FAM13A: variants seen among roughly 807,000 people sequenced by gnomAD.
The protein encoded by FAM13A is family with sequence similarity 13 member A, also known as protein FAM13A.
FAM13A carries 76 observed loss-of-function variants against 129.6 expected under a neutral mutation model. The observed-to-expected ratio is 0.59, with a 90% CI of 0.49 to 0.71. The LOEUF is 0.71. Ranked by LOEUF, FAM13A falls within the 30% of genes least tolerant of loss-of-function variation. The pLI is 0.00. For synonymous variants in FAM13A, 443 were observed against 449.9 expected (o/e 0.98, Z 0.20); for missense variants, 1,108 against 1,249.3 (o/e 0.89, Z 1.70).
intron 7 of FAM13A, among the ~76,000 whole-genome samples, chr4:88,832,637 C>T (rs1734080191): frequency 6.6e-6 from 1 of 152,112 alleles, no homozygotes; most frequent in African/African-American, 2.4e-5. Context: ...AAAAGCTCAA[C>T]AGCACTCATC....
intron 1 of FAM13A, among the ~76,000 whole-genome samples, chr4:89,049,440 C>T (rs1333165564): frequency 2.6e-5 from 4 of 152,062 alleles, no homozygotes; most frequent in Non-Finnish European, 4.4e-5. Context: ...GGAAAAAAAA[C>T]CTGTGACATC....
intron 6 of FAM13A, among the ~76,000 whole-genome samples, chr4:88,858,378 T>C (rs1191708772): frequency 1.3e-5 from 2 of 152,242 alleles, no homozygotes; most frequent in Non-Finnish European, 2.9e-5. Flanking sequence ...GGAATTAAGG[T>C]AGAAGACTTT....
chr4:88,946,973 G>A (rs1234908918), intron 4 of FAM13A, among the ~76,000 whole-genome samples: 1 of 152,132 alleles, frequency 6.6e-6, no homozygotes, highest in Non-Finnish European at 1.5e-5. Context: ...CAGCACAACT[G>A]AAAGCAGCAC....
chr4:89,034,875 G>A (rs1264269947), intron 1 of FAM13A, among the ~76,000 whole-genome samples: 1 of 152,152 alleles, frequency 6.6e-6, no homozygotes, highest in East Asian at 1.9e-4. Flanking sequence ...GAGTGAGACT[G>A]TCTGAAAAGA....
chr4:88,878,040 G>A (rs1416436154), intron 6 of FAM13A, among the ~76,000 whole-genome samples: 1 of 152,062 alleles, frequency 6.6e-6, no homozygotes, highest in Non-Finnish European at 1.5e-5. Context: ...TGTAATCCCA[G>A]CACATTGGAA....
In FAM13A at chr4:88,812,441, A is replaced by G. The variant is rs536417312; in HGVS notation, c.1008-7389T>C. Among the ~76,000 whole-genome samples the G allele has an allele frequency of 5.3e-5, 8 of 152,294 alleles. No individual in the cohort carries two copies. In the East Asian group the frequency reaches 1.4e-3, roughly 26 times the overall value. ...AAATCCAAATGCCTAAATCTGGCAC[A>G]TGAAGTCCCTCCCAATTGCAACCCA... On this transcript the variant is annotated intron_variant, in intron 7 of 23. Transcript: ENST00000264344.
At chr4:89,022,994 T>G (rs1252111308) in intron 2 of FAM13A, among the ~76,000 whole-genome samples, 4 of 152,176 alleles carry the variant, frequency 2.6e-5, no homozygotes, top group Admixed American at 2.6e-4. Context: ...GCCTTGTAAC[T>G]CTAAGACAGA....
chr4:88,740,516 G>T (rs1258527630), intron 19 of FAM13A, among the ~76,000 whole-genome samples: 1 of 152,150 alleles, frequency 6.6e-6, no homozygotes, highest in African/African-American at 2.4e-5. Flanking sequence ...ACTTAAATGG[G>T]GAATGAGATG....
chr4:88,887,578 T>G (rs1210963130), intron 6 of FAM13A, among the ~76,000 whole-genome samples: 3 of 150,068 alleles, frequency 2.0e-5, no homozygotes, highest in Admixed American at 6.7e-5. Context: ...TTGCCCAGGC[T>G]GGAGTGCAGT....
chr4:88,981,097 T>C (rs1032030157), intron 4 of FAM13A, among the ~76,000 whole-genome samples: 7 of 152,186 alleles, frequency 4.6e-5, no homozygotes, highest in Admixed American at 1.3e-4. Flanking sequence ...ATCTTATTGG[T>C]TAGTACTGAA....
intron 6 of FAM13A, among the ~76,000 whole-genome samples, chr4:88,894,215 C>T (rs899843092): frequency 6.6e-6 from 1 of 152,124 alleles, no homozygotes; most frequent in Non-Finnish European, 1.5e-5. Flanking sequence ...TTTCCATGTG[C>T]ATAGAATGAG....
intron 1 of FAM13A, among the ~76,000 whole-genome samples, chr4:89,048,509 C>T (rs999040618): frequency 6.6e-6 from 1 of 151,958 alleles, no homozygotes; most frequent in Admixed American, 6.6e-5. Context: ...TTTGGTGATG[C>T]TTGCACAATT....
chr4:88,806,710 G>A (rs1159423896), intron 7 of FAM13A, among the ~76,000 whole-genome samples: 1 of 152,100 alleles, frequency 6.6e-6, no homozygotes, highest in African/African-American at 2.4e-5. Context: ...GGGCTGTAAT[G>A]TGGATGGGCT....
At chr4:88,914,554 G>T (rs1749768917) in intron 5 of FAM13A, among the ~76,000 whole-genome samples, 1 of 152,146 alleles carries the variant, frequency 6.6e-6, no homozygotes. Flanking sequence ...CTCTAGCATA[G>T]CTGTGCATTC....
At chr4:89,017,801 A>T (rs1364172484) in intron 3 of FAM13A, among the ~76,000 whole-genome samples, 1 of 152,150 alleles carries the variant, frequency 6.6e-6, no homozygotes, top group African/African-American at 2.4e-5. Context: ...TTATGAAGGA[A>T]TGGTTATCTT....
chr4:89,005,905 C>G (rs183592590), intron 3 of FAM13A, among the ~76,000 whole-genome samples: 22 of 152,326 alleles, frequency 1.4e-4, no homozygotes, highest in African/African-American at 5.0e-4. Context: ...TGCAGAAGCT[C>G]TTAAGTTTAA....
At position 89,031,284 on chromosome 4, in the gene FAM13A, T is replaced by G. The variant is rs192677356; in HGVS notation, c.28-1635A>C. On this transcript the variant is annotated intron_variant, in intron 1 of 23. Coordinates refer to ENST00000264344, the MANE Select transcript of FAM13A (RefSeq NM_014883.4). Reference sequence around the variant, plus strand: ...AACAAAACTTAAAAAAAAATTTCAGTGTAGCATTAAAAACAGCTGACAGTG... The same window carrying G: ...AACAAAACTTAAAAAAAAATTTCAGGGTAGCATTAAAAACAGCTGACAGTG... Among the ~76,000 whole-genome samples, 136 of 152,272 alleles carry G rather than the reference T, an allele frequency of 8.9e-4. 1 individual carries two copies. The highest frequency in any genetic ancestry group is 1.9e-3 in the Admixed American group (29 of 15,298).
intron 6 of FAM13A, among the ~76,000 whole-genome samples, chr4:88,890,760 C>T (rs955934906): frequency 2.6e-5 from 4 of 151,898 alleles, no homozygotes; most frequent in Non-Finnish European, 5.9e-5. Context: ...TTCTAGCATG[C>T]CCAATCAGGA....
Position 88,861,768 on chromosome 4 carries a change from G to A in FAM13A, c.844-10585C>T, listed in dbSNP as rs147387849. 4.3e-3 allele frequency among the ~76,000 whole-genome samples: 659 copies of A among 152,272 alleles called. 4 individuals carry two copies. The highest frequency in any genetic ancestry group is 0.013 in the African/African-American group (556 of 41,546). On this transcript the variant is annotated intron_variant, in intron 6 of 23. Coordinates refer to ENST00000264344, the MANE Select transcript of FAM13A (RefSeq NM_014883.4). ...TTGCAATAATAGCTAACTGTTGAGT[G>A]CTTACTATATGGTAGGCATAATATT...
Sources: gnomAD v4.1 joint callset for allele counts (sites outside exome capture counted in the v4.1 genomes callset) on GRCh38, gnomAD v4.1.1 for gene constraint, MANE v1.5 for transcripts, NCBI Gene and HGNC (gene_info 2026-07-23, HGNC 2026-07-21) for gene names.